The following INO80C variants were observed in gnomAD, a reference collection of about 807,000 sequenced individuals.
INO80C encodes the protein IES6 homolog.
INO80C carries 17 observed loss-of-function variants against 17.7 expected under a neutral mutation model. That is an observed-to-expected ratio of 0.96 (90% CI 0.66 to 1.44). The LOEUF is 1.44. INO80C is among the 40% of genes most tolerant of loss of function. The pLI is 0.00. For missense variants in INO80C, 244 were observed against 245.0 expected (o/e 1.00, Z 0.03); for synonymous variants, 96 against 95.8 (o/e 1.00, Z -0.01).
At chr18:35,486,622 A>T (rs1422639641) in intron 1 of INO80C, among the ~76,000 whole-genome samples, 1 of 152,052 alleles carries the variant, frequency 6.6e-6, no homozygotes, top group African/African-American at 2.4e-5. Flanking sequence ...CCATGACATA[A>T]ATACTGATTT....
intron 1 of INO80C, chr18:35,497,271 T>C (rs2045992825): frequency 1.1e-6 from 1 of 947,780 alleles, no homozygotes; most frequent in Non-Finnish European, 1.3e-6. Context: ...AAAAAGCACT[T>C]TTCTCAGGAT....
chr18:35,484,666 A>T (rs952562848), intron 1 of INO80C, among the ~76,000 whole-genome samples: 1 of 152,210 alleles, frequency 6.6e-6, no homozygotes, highest in Non-Finnish European at 1.5e-5. Context: ...ATACAGGAGG[A>T]TGTGCACAAA....
intron 1 of INO80C, among the ~76,000 whole-genome samples, chr18:35,492,513 T>A (rs983010048): frequency 6.6e-6 from 1 of 150,408 alleles, no homozygotes; most frequent in Admixed American, 6.7e-5. Flanking sequence ...GGGAAGGAGA[T>A]TGGGTGACTT....
chr18:35,496,203 A>G (rs1221699957), intron 1 of INO80C, among the ~76,000 whole-genome samples: 1 of 152,260 alleles, frequency 6.6e-6, no homozygotes, highest in East Asian at 1.9e-4. Context: ...AGACTTGTAC[A>G]AGAATGTTCA....
intron 4 of INO80C, among the ~76,000 whole-genome samples, chr18:35,475,266 A>T (rs956385644): frequency 2.0e-5 from 3 of 152,264 alleles, no homozygotes; most frequent in African/African-American, 7.2e-5. Flanking sequence ...CCATGGAAGC[A>T]AAAAGACAAC....
intron 3 of INO80C, 113 bp from the exon 4 acceptor site, chr18:35,478,462 T>C: frequency 2.4e-6 from 2 of 822,744 alleles, no homozygotes; most frequent in Non-Finnish European, 3.8e-6. Flanking sequence ...TCCTTTGTGA[T>C]TAAGTAGTCA....
intron 1 of INO80C, chr18:35,496,886 T>C (rs1299051172): frequency 1.3e-5 from 2 of 152,204 alleles, no homozygotes; most frequent in Non-Finnish European, 2.9e-5. Flanking sequence ...AATCTTACTA[T>C]AGCAAAGTAT....
At chr18:35,483,627 G>A (rs1469516183) in intron 1 of INO80C, 2 of 152,292 alleles carry the variant, frequency 1.3e-5, no homozygotes, top group South Asian at 2.1e-4. Context: ...TTGATTAACT[G>A]ATCAATGTTA....
At chr18:35,475,712 A>C (rs2045727757) in intron 4 of INO80C, among the ~76,000 whole-genome samples, 1 of 152,140 alleles carries the variant, frequency 6.6e-6, no homozygotes, top group Non-Finnish European at 1.5e-5. Flanking sequence ...GCTCTTTGAC[A>C]AAACAAAAAA....
At position 35,478,354 on chromosome 18, in the gene INO80C, GA is replaced by G. The variant is rs369208692; in HGVS notation, c.380-6del. ...GAGGAGCATCAATACTGAAGTCTGG[GA>G]AAAAAAAAAAAAAAAGATAACTAAA... On this transcript the variant is annotated splice_region_variant and splice_polypyrimidine_tract_variant and intron_variant, in intron 3 of 4. Transcript: ENST00000334598. 177,824 of 1,181,294 alleles carry G rather than the reference GA, an allele frequency of 0.15. 1 individual carries two copies. Among genetic ancestry groups the G allele is most frequent in the South Asian group, 0.16 (9,918 of 63,756 alleles). The allele number at this position is 1,181,294 out of a possible 1,614,324, so 73.2% of individuals were successfully genotyped here.
intron 3 of INO80C, chr18:35,478,956 C>T: frequency 5.0e-6 from 1 of 201,594 alleles, no homozygotes; most frequent in East Asian, 1.3e-4. Flanking sequence ...TGTCAGGAAC[C>T]CTCCTAAATC....
chr18:35,480,817 C>T (rs528840772), intron 1 of INO80C, among the ~76,000 whole-genome samples: 1 of 152,342 alleles, frequency 6.6e-6, no homozygotes, highest in South Asian at 2.1e-4. Flanking sequence ...GTGCCAAGCA[C>T]AGGGATGGCT....
Position 35,468,697 on chromosome 18 carries a change from C to T in INO80C, c.493G>A (p.Glu165Lys), listed in dbSNP as rs771596825. 4 of 1,614,018 alleles carry T rather than the reference C, an allele frequency of 2.5e-6. No homozygotes were observed. The Admixed American group carries it at 6.7e-5, about 27-fold the overall frequency. Residue 165 changes from glutamate (E) to lysine (K), a missense_variant, in exon 5 of 5, where the codon GAA (glutamate) becomes AAA (lysine). Transcript: ENST00000334598. ...AGCCTCCGAATGTAGGAAAACTCTT[C>T]AATGGTGCTGAACCGCAGTTTGCTC... The part of the protein sequence containing the change: ...PQSKLRFSTI[E>K]EFSYIRRLPS...
chr18:35,484,460 C>T (rs574745528), intron 1 of INO80C, among the ~76,000 whole-genome samples: 24 of 152,268 alleles, frequency 1.6e-4, no homozygotes, highest in Non-Finnish European at 3.2e-4. Context: ...ATCAGCCCTC[C>T]ATATAGAGGA....
At chr18:35,483,165 A>C (rs1460235430) in intron 1 of INO80C, among the ~76,000 whole-genome samples, 1 of 152,188 alleles carries the variant, frequency 6.6e-6, no homozygotes, top group Non-Finnish European at 1.5e-5. Context: ...TTTACAACAA[A>C]GGTTAGATTT....
At position 35,497,937 on chromosome 18, in the gene INO80C, T is replaced by G; in HGVS notation, c.-63A>C. On this transcript the variant is annotated 5_prime_UTR_variant, in exon 1 of 5. Transcript: ENST00000334598. ...CCCAGCGCGGGCCTTGGAACTTCCT[T>G]TCCGCTGTTACTTCCGTCTTGATGC... 4.1e-6 allele frequency: 6 copies of G among 1,453,232 alleles called. No individual in the cohort carries two copies. The highest frequency in any genetic ancestry group is 4.6e-6 in the Non-Finnish European group (5 of 1,096,966). The allele number at this position is 1,453,232 out of a possible 1,614,324, so 90.0% of individuals were successfully genotyped here.
rs187285541 is a variant in INO80C at position 35,491,960 on chromosome 18, A to C, written c.156+5759T>G. ...ACTCAGGAAACACACGCCTATGCTAATAGACTGGAGTTCACAAGGCCTGGG... is the reference window on the plus strand; with the variant it reads ...ACTCAGGAAACACACGCCTATGCTACTAGACTGGAGTTCACAAGGCCTGGG... On this transcript the variant is annotated intron_variant, in intron 1 of 4. Transcript: ENST00000334598. Among the ~76,000 whole-genome samples the C allele has an allele frequency of 5.3e-5, 8 of 152,276 alleles. No homozygotes were observed. In the East Asian group the frequency reaches 1.5e-3, roughly 29 times the overall value.
At chr18:35,474,177 GTATATAT>G (rs2045703048) in intron 4 of INO80C, among the ~76,000 whole-genome samples, 1 of 61,260 alleles carries the variant, frequency 1.6e-5, no homozygotes, top group Middle Eastern at 8.3e-3. Flanking sequence ...ATATATATAT[GTATATAT>G]ATGTGTATAT....
chr18:35,484,435 T>C (rs953826328), intron 1 of INO80C, among the ~76,000 whole-genome samples: 1 of 152,178 alleles, frequency 6.6e-6, no homozygotes, highest in Non-Finnish European at 1.5e-5. Flanking sequence ...ATTCAGATCA[T>C]CCTTTCTAAA....
Sources: gnomAD v4.1 joint callset for allele counts (sites outside exome capture counted in the v4.1 genomes callset) on GRCh38, gnomAD v4.1.1 for gene constraint, MANE v1.5 for transcripts, NCBI Gene and HGNC (gene_info 2026-07-23, HGNC 2026-07-21) for gene names.